The following DAB1 variants were observed in gnomAD, a reference collection of about 807,000 sequenced individuals.
The protein encoded by DAB1 is disabled homolog 1.
In DAB1, 15 loss-of-function variants were observed where a neutral mutation model predicts 64.6. The observed-to-expected ratio is 0.23, with a 90% CI of 0.16 to 0.36. The LOEUF is 0.36. DAB1 is among the 10% of genes least tolerant of loss of function. The probability of loss-of-function intolerance (pLI) is 1.00; values close to 1 mark genes in which losing one functional copy is unlikely to be tolerated. For missense variants in DAB1, 596 were observed against 706.7 expected (o/e 0.84, Z 1.78); for synonymous variants, 235 against 251.9 (o/e 0.93, Z 0.64).
At chr1:57,330,385 C>G (rs1414393680) in intron 1 of DAB1, among the ~76,000 whole-genome samples, 1 of 152,190 alleles carries the variant, frequency 6.6e-6, no homozygotes, top group Non-Finnish European at 1.5e-5. Context: ...AGCCATGCAG[C>G]AGAACACACA....
chr1:58,038,761 C>T lies in DAB1; in HGVS notation n.387+111750G>A, dbSNP rs147924775. Among the ~76,000 whole-genome samples, 362 of 152,288 alleles carry T rather than the reference C, an allele frequency of 2.4e-3. 1 individual carries two copies. Among genetic ancestry groups the T allele is most frequent in the African/African-American group, 8.5e-3 (352 of 41,544 alleles). On this transcript the variant is annotated intron_variant and non_coding_transcript_variant, in intron 5 of 20. Transcript: ENST00000485760. ...GGATTAACACAAAGGAAGGTCCCTG[C>T]TCCCAAGGAAGCAATGCCCAGCTGC... is the stretch of plus-strand genomic sequence containing the variant.
At chr1:57,374,319 A>C (rs1202858273) in intron 1 of DAB1, among the ~76,000 whole-genome samples, 1 of 152,244 alleles carries the variant, frequency 6.6e-6, no homozygotes, top group African/African-American at 2.4e-5. Flanking sequence ...ACAGAATAAA[A>C]TTTTGTAATT....
rs369269371 is a variant in DAB1 at position 57,016,971 on chromosome 1, G to C, written c.896-1540C>G. 5.5e-4 allele frequency among the ~76,000 whole-genome samples: 83 copies of C among 152,272 alleles called. 2 individuals are homozygous for C. The South Asian group carries it at 0.016, about 30-fold the overall frequency. On this transcript the variant is annotated intron_variant, in intron 11 of 14. Coordinates refer to ENST00000371236, the MANE Select transcript of DAB1 (RefSeq NM_001365792.1). The stretch of plus-strand genomic sequence containing the variant: ...GGGTCATACAGGTTGTATGAAGTAG[G>C]AGCAGGGTCAAACTGAGGTTGTCTG...
rs368848182 is a variant in DAB1, at chr1:58,457,774, C to A, written n.257+48286G>T. Among the ~76,000 whole-genome samples, 28 of 152,262 alleles carry A rather than the reference C, an allele frequency of 1.8e-4. 1 individual carries two copies. The South Asian group carries it at 2.7e-3, about 15-fold the overall frequency. ...AGTCTTCTTTTATTTCCCTCTGTCC[C>A]CCCAGTCACCTGAAATCTAGTCTCT... On this transcript the variant is annotated intron_variant and non_coding_transcript_variant, in intron 3 of 20. Transcript: ENST00000485760.
At chr1:58,341,588 G>A (rs1643934785) in intron 4 of DAB1, among the ~76,000 whole-genome samples, 5 of 152,180 alleles carry the variant, frequency 3.3e-5, no homozygotes, top group Admixed American at 3.3e-4. Context: ...GATGGGCTGA[G>A]TAACTTACCT....
chr1:57,741,363 C>T (rs1380265283), intron 6 of DAB1, among the ~76,000 whole-genome samples: 3 of 152,150 alleles, frequency 2.0e-5, no homozygotes, highest in African/African-American at 2.4e-5. Flanking sequence ...AATAATCCTG[C>T]GGTAGGTACT....
chr1:57,684,333 AG>A (rs889140484), intron 6 of DAB1, among the ~76,000 whole-genome samples: 2 of 152,104 alleles, frequency 1.3e-5, no homozygotes, highest in Non-Finnish European at 2.9e-5. Context: ...AGATTCACTA[AG>A]GTCAATGCAA....
intron 5 of DAB1, among the ~76,000 whole-genome samples, chr1:57,984,232 GAAAGAA>G (rs1646146678): frequency 6.8e-6 from 1 of 146,338 alleles, no homozygotes; most frequent in Non-Finnish European, 1.5e-5. Context: ...AAGAAAGAAA[GAAAGAA>G]AGAAAGAAAG....
intron 1 of DAB1, among the ~76,000 whole-genome samples, chr1:57,315,814 A>T (rs1320907247): frequency 1.3e-5 from 2 of 152,100 alleles, no homozygotes; most frequent in African/African-American, 4.8e-5. Context: ...CTATTATATG[A>T]TCTTTAAGAA....
At chr1:57,085,391 G>T (rs1652967643) in intron 4 of DAB1, among the ~76,000 whole-genome samples, 1 of 152,160 alleles carries the variant, frequency 6.6e-6, no homozygotes, top group South Asian at 2.1e-4. Flanking sequence ...AAGAAGCTAG[G>T]CTGTCTGCAT....
intron 7 of DAB1, among the ~76,000 whole-genome samples, chr1:57,636,023 G>A (rs1213901587): frequency 2.6e-5 from 4 of 151,622 alleles, no homozygotes; most frequent in African/African-American, 9.7e-5. Context: ...CGTGAACCTG[G>A]GAGGTGGAGA....
At chr1:58,236,244 T>C (rs1349135736) in intron 4 of DAB1, among the ~76,000 whole-genome samples, 4 of 152,116 alleles carry the variant, frequency 2.6e-5, no homozygotes, top group Non-Finnish European at 5.9e-5. Context: ...CAAAAAGGTT[T>C]CTGAGATCCA....
intron 2 of DAB1, among the ~76,000 whole-genome samples, chr1:57,246,014 G>A (rs1668844745): frequency 6.6e-6 from 1 of 152,180 alleles, no homozygotes; most frequent in Non-Finnish European, 1.5e-5. Context: ...ATTTAAAAGG[G>A]AAGAAGAGCA....
At chr1:57,497,005 A>G (rs1644238463) in intron 7 of DAB1, among the ~76,000 whole-genome samples, 1 of 152,224 alleles carries the variant, frequency 6.6e-6, no homozygotes, top group Non-Finnish European at 1.5e-5. Context: ...CTGCCCCTCA[A>G]ACATGCCTGG....
At chr1:58,401,272 T>C (rs1173212545) in intron 3 of DAB1, among the ~76,000 whole-genome samples, 3 of 152,110 alleles carry the variant, frequency 2.0e-5, no homozygotes, top group Non-Finnish European at 4.4e-5. Context: ...ATAACTGACC[T>C]CGTCTTCTGC....
At chr1:57,908,800 A>C (rs973551088) in intron 5 of DAB1, among the ~76,000 whole-genome samples, 2 of 152,124 alleles carry the variant, frequency 1.3e-5, no homozygotes, top group African/African-American at 4.8e-5. Flanking sequence ...GGTGAACAGC[A>C]CTCAGCTGGC....
intron 4 of DAB1, among the ~76,000 whole-genome samples, chr1:58,266,356 G>A (rs1387290850): frequency 6.6e-6 from 1 of 152,176 alleles, no homozygotes; most frequent in Non-Finnish European, 1.5e-5. Context: ...GACAGCTGGA[G>A]GGAACAAGCT....
At chr1:57,306,158 A>T (rs1674142109) in intron 1 of DAB1, among the ~76,000 whole-genome samples, 1 of 152,108 alleles carries the variant, frequency 6.6e-6, no homozygotes, top group African/African-American at 2.4e-5. Flanking sequence ...TAAAGTATCA[A>T]GTCCCGGGTC....
At chr1:57,311,006 A>C (rs147153558) in intron 1 of DAB1, among the ~76,000 whole-genome samples, 1 of 152,016 alleles carries the variant, frequency 6.6e-6, no homozygotes, top group Admixed American at 6.6e-5. Flanking sequence ...TAAAAAAAAA[A>C]ATAGATAGAT....
Sources: gnomAD v4.1 joint callset for allele counts (sites outside exome capture counted in the v4.1 genomes callset) on GRCh38, gnomAD v4.1.1 for gene constraint, MANE v1.5 for transcripts, NCBI Gene and HGNC (gene_info 2026-07-23, HGNC 2026-07-21) for gene names.